The following LRRC1 variants were observed in gnomAD, a reference collection of about 807,000 sequenced individuals.
LRRC1 encodes the protein leucine rich repeat containing 1.
In LRRC1, 28 loss-of-function variants were observed where a neutral mutation model predicts 69.9. That is an observed-to-expected ratio of 0.40 (90% CI 0.30 to 0.55). The LOEUF (loss-of-function observed/expected upper bound fraction) is 0.55. Among genes scored for constraint, LRRC1 ranks in the 20% least tolerant of loss-of-function variants. The pLI, the probability that LRRC1 is intolerant of heterozygous loss-of-function variation, is 0.47. For missense variants in LRRC1, 498 were observed against 609.0 expected (o/e 0.82, Z 1.92); for synonymous variants, 236 against 240.2 (o/e 0.98, Z 0.16).
chr6:53,825,405 A>C (rs1195148854), intron 1 of LRRC1, among the ~76,000 whole-genome samples: 1 of 152,230 alleles, frequency 6.6e-6, no homozygotes, highest in Non-Finnish European at 1.5e-5. Context: ...CTGCTAGACC[A>C]AGGAGACTGG....
intron 2 of LRRC1, among the ~76,000 whole-genome samples, chr6:53,844,943 G>A (rs1490519760): frequency 6.6e-6 from 1 of 152,196 alleles, no homozygotes; most frequent in Non-Finnish European, 1.5e-5. Context: ...GGTGGCTCAC[G>A]CCTGTAATCC....
At chr6:53,850,111 T>C (rs1017026277) in intron 2 of LRRC1, among the ~76,000 whole-genome samples, 2 of 150,122 alleles carry the variant, frequency 1.3e-5, no homozygotes, top group African/African-American at 4.9e-5. Flanking sequence ...ACTTACTAAA[T>C]GTAAGGCTCT....
chr6:53,902,378 G>A (rs1768087654), intron 8 of LRRC1, among the ~76,000 whole-genome samples: 1 of 152,048 alleles, frequency 6.6e-6, no homozygotes, highest in Non-Finnish European at 1.5e-5. Context: ...TGGCTTTGAT[G>A]CAATGTTTTT....
At chr6:53,856,645 G>A (rs1226475273) in intron 2 of LRRC1, among the ~76,000 whole-genome samples, 2 of 152,206 alleles carry the variant, frequency 1.3e-5, no homozygotes, top group Admixed American at 1.3e-4. Context: ...GGAGCCGGTG[G>A]AAAGAGATGA....
rs148941351 is a variant in LRRC1 at position 53,798,540 on chromosome 6, A to G, written c.159+3125A>G. On this transcript the variant is annotated intron_variant, in intron 1 of 13. Coordinates refer to ENST00000370888, the MANE Select transcript of LRRC1 (RefSeq NM_018214.5). Reference sequence around the variant, plus strand: ...ACTACAGGTGCCCACCACCACACCCAGCTAATTTTTTAGTATTTTTAGTAG... The same window carrying G: ...ACTACAGGTGCCCACCACCACACCCGGCTAATTTTTTAGTATTTTTAGTAG... 2.0e-3 allele frequency among the ~76,000 whole-genome samples: 298 copies of G among 152,130 alleles called. 4 individuals carry two copies. In the East Asian group the frequency reaches 0.041, roughly 21 times the overall value.
intron 3 of LRRC1, among the ~76,000 whole-genome samples, chr6:53,880,073 C>T (rs1767234761): frequency 6.6e-6 from 1 of 152,174 alleles, no homozygotes; most frequent in African/African-American, 2.4e-5. Context: ...TAAGATTAAA[C>T]TAAAATTTCT....
intron 1 of LRRC1, among the ~76,000 whole-genome samples, chr6:53,834,655 A>AT (rs1453509458): frequency 2.6e-5 from 4 of 152,316 alleles, no homozygotes; most frequent in Admixed American, 6.5e-5. Context: ...TTAACTAGAG[A>AT]TAAAAAAAAC....
At chr6:53,877,340 T>C (rs932767795) in intron 2 of LRRC1, among the ~76,000 whole-genome samples, 6 of 152,218 alleles carry the variant, frequency 3.9e-5, no homozygotes, top group Admixed American at 2.6e-4. Context: ...GGGGCTGCCA[T>C]GAAGACCTTT....
At chr6:53,900,016 TACTG>T in intron 8 of LRRC1, 125 bp downstream of exon 8, 1 of 554,810 alleles carries the variant, frequency 1.8e-6, no homozygotes, top group East Asian at 3.6e-5. Flanking sequence ...AAAGTCTCCT[TACTG>T]TTTTTTTTTT....
chr6:53,883,966 C>T (rs1415201019), intron 4 of LRRC1: 4 of 718,068 alleles, frequency 5.6e-6, no homozygotes, highest in Non-Finnish European at 1.0e-5. Flanking sequence ...AGACAACTAG[C>T]TGACACCTGT....
chr6:53,858,918 T>G (rs1766406157), intron 2 of LRRC1, among the ~76,000 whole-genome samples: 1 of 152,246 alleles, frequency 6.6e-6, no homozygotes, highest in Non-Finnish European at 1.5e-5. Context: ...TATTTTAAGT[T>G]TTTAAAATGC....
intron 2 of LRRC1, among the ~76,000 whole-genome samples, chr6:53,878,580 A>G (rs1446021859): frequency 6.6e-6 from 1 of 152,204 alleles, no homozygotes; most frequent in Non-Finnish European, 1.5e-5. Flanking sequence ...ATCTGACAGT[A>G]GGTGGAGCTC....
intron 2 of LRRC1, among the ~76,000 whole-genome samples, chr6:53,843,168 TAA>T (rs1170606006): frequency 1.3e-5 from 2 of 152,362 alleles, no homozygotes; most frequent in Non-Finnish European, 2.9e-5. Flanking sequence ...AATTATTTAT[TAA>T]AAAGGTAATT....
At chr6:53,857,948 G>A (rs1439619907) in intron 2 of LRRC1, among the ~76,000 whole-genome samples, 1 of 152,186 alleles carries the variant, frequency 6.6e-6, no homozygotes, top group Non-Finnish European at 1.5e-5. Flanking sequence ...TATAATTAAT[G>A]GAGGAATTTC....
chr6:53,822,429 C>T (rs1765143258), intron 1 of LRRC1, among the ~76,000 whole-genome samples: 1 of 152,052 alleles, frequency 6.6e-6, no homozygotes, highest in South Asian at 2.1e-4. Context: ...ATAGACTAAC[C>T]CAGGAGGATA....
At chr6:53,893,126 A>T (rs144779679) in intron 4 of LRRC1, among the ~76,000 whole-genome samples, 1 of 152,352 alleles carries the variant, frequency 6.6e-6, no homozygotes, top group Non-Finnish European at 1.5e-5. Context: ...AGGCACACAC[A>T]TTTGTAAGGT....
chr6:53,902,434 GT>G (rs1768089845), intron 8 of LRRC1, among the ~76,000 whole-genome samples, 194 bp from the exon 9 acceptor site: 1 of 152,014 alleles, frequency 6.6e-6, no homozygotes, highest in South Asian at 2.1e-4. Flanking sequence ...CGTTTTTGAT[GT>G]TCTAAACAAA....
intron 2 of LRRC1, among the ~76,000 whole-genome samples, chr6:53,857,047 T>G (rs928374536): frequency 1.3e-5 from 2 of 152,030 alleles, no homozygotes; most frequent in Non-Finnish European, 2.9e-5. Context: ...TGTGGACATG[T>G]GGAGGGTGAG....
At chr6:53,878,257 A>G (rs1054141630) in intron 2 of LRRC1, among the ~76,000 whole-genome samples, 1 of 152,224 alleles carries the variant, frequency 6.6e-6, no homozygotes, top group Non-Finnish European at 1.5e-5. Flanking sequence ...CAACCAAATC[A>G]TATGAGCAGT....
Sources: gnomAD v4.1 joint callset for allele counts (sites outside exome capture counted in the v4.1 genomes callset) on GRCh38, gnomAD v4.1.1 for gene constraint, MANE v1.5 for transcripts, NCBI Gene and HGNC (gene_info 2026-07-23, HGNC 2026-07-21) for gene names.